Variants in ST6GAL2 observed in about 807,000 individuals in gnomAD.
ST6GAL2 encodes ST6 beta-galactoside alpha-2,6-sialyltransferase 2.
Under a neutral mutation model 37.5 loss-of-function variants are expected in ST6GAL2, and 24 were observed. That is an observed-to-expected ratio of 0.64 (90% CI 0.46 to 0.90). The LOEUF is 0.90. Ranked by LOEUF, ST6GAL2 falls within the 40% of genes least tolerant of loss-of-function variation. The pLI, the probability that ST6GAL2 is intolerant of heterozygous loss-of-function variation, is 0.00. For synonymous variants in ST6GAL2, 306 were observed against 295.1 expected (o/e 1.04, Z -0.38); for missense variants, 715 against 712.7 (o/e 1.00, Z -0.04).
At chr2:106,879,664 A>G (rs938091242) in intron 1 of ST6GAL2, among the ~76,000 whole-genome samples, 1 of 149,354 alleles carries the variant, frequency 6.7e-6, no homozygotes, top group Non-Finnish European at 1.5e-5. Flanking sequence ...TCTAATGTAT[A>G]TAATAGAAAT....
At chr2:106,811,977 C>A (rs566513865) in intron 5 of ST6GAL2, among the ~76,000 whole-genome samples, 1 of 152,108 alleles carries the variant, frequency 6.6e-6, no homozygotes, top group African/African-American at 2.4e-5. Flanking sequence ...ACTGAATTCC[C>A]CCAGCAATGA....
intron 1 of ST6GAL2, among the ~76,000 whole-genome samples, chr2:106,873,374 G>A (rs1678359315): frequency 6.6e-6 from 1 of 152,216 alleles, no homozygotes; most frequent in Non-Finnish European, 1.5e-5. Flanking sequence ...TCCCCCTGGG[G>A]CAGAAGTACC....
At chr2:106,826,539 CAAA>C (rs67548358) in intron 5 of ST6GAL2, among the ~76,000 whole-genome samples, 30,593 of 103,194 alleles carry the variant, frequency 0.3, 3,668 homozygotes, top group East Asian at 0.54. Flanking sequence ...GACTCCGTCT[CAAA>C]AAAAAAAAAA....
chr2:106,836,089 A>G (rs926022550), intron 2 of ST6GAL2, among the ~76,000 whole-genome samples: 1 of 152,212 alleles, frequency 6.6e-6, no homozygotes, highest in Non-Finnish European at 1.5e-5. Flanking sequence ...GAATTTTAAA[A>G]TGTCTATTAA....
chr2:106,868,035 A>T (rs1678109104), intron 1 of ST6GAL2, among the ~76,000 whole-genome samples: 1 of 152,246 alleles, frequency 6.6e-6, no homozygotes. Context: ...ACGCTGCTTA[A>T]GAAAGAGCCA....
At chr2:106,844,598 C>T (rs914949176) in intron 1 of ST6GAL2, among the ~76,000 whole-genome samples, 3 of 152,124 alleles carry the variant, frequency 2.0e-5, no homozygotes, top group Non-Finnish European at 1.5e-5. Context: ...ACCAGAAGTC[C>T]ACCGATGGCA....
intron 1 of ST6GAL2, among the ~76,000 whole-genome samples, chr2:106,863,941 C>T (rs1048051391): frequency 1.2e-4 from 19 of 152,190 alleles, no homozygotes; most frequent in Non-Finnish European, 1.9e-4. Flanking sequence ...GTGTTTAAAA[C>T]GCAACTACCT....
rs73949757 is a variant in ST6GAL2, at chr2:106,803,958, G to A, written c.*2720C>T. On this transcript the variant is annotated 3_prime_UTR_variant, in exon 6 of 6. Transcript: ENST00000409382. ...AGGACCCATTTGGCTAATACTAGAA[G>A]TAGTCATCAAGTTAACTGTAACTGC... is the stretch of plus-strand genomic sequence containing the variant. 1 of 152,276 alleles carries A rather than the reference G, an allele frequency of 6.6e-6. No individual in the cohort carries two copies. Among genetic ancestry groups the A allele is most frequent in the African/African-American group, 2.4e-5 (1 of 41,562 alleles). 9.4% of individuals were successfully genotyped at this position (152,276 alleles called of 1,614,324 possible). A position where few individuals can be genotyped will look rare whatever the true frequency, so the allele number is the denominator to read the frequency against.
At chr2:106,863,931 G>A (rs1179699517) in intron 1 of ST6GAL2, among the ~76,000 whole-genome samples, 2 of 152,188 alleles carry the variant, frequency 1.3e-5, no homozygotes, top group Admixed American at 6.5e-5. Context: ...CTAAGGAGGT[G>A]TGTTTAAAAC....
chr2:106,808,257 A>G (rs80154811), intron 5 of ST6GAL2, among the ~76,000 whole-genome samples: 4,769 of 152,258 alleles, frequency 0.031, 99 homozygotes, highest in South Asian at 0.089. Flanking sequence ...AGAAGTGTGA[A>G]GCTCAAGGGG....
At chr2:106,862,873 C>A (rs1480348585) in intron 1 of ST6GAL2, among the ~76,000 whole-genome samples, 1 of 151,886 alleles carries the variant, frequency 6.6e-6, no homozygotes, top group African/African-American at 2.4e-5. Flanking sequence ...GAAAACAAGT[C>A]ATTGAGCTAT....
intron 1 of ST6GAL2, among the ~76,000 whole-genome samples, chr2:106,877,083 C>G (rs1363177686): frequency 6.6e-6 from 1 of 152,204 alleles, no homozygotes; most frequent in Non-Finnish European, 1.5e-5. Flanking sequence ...CAGAGATGTT[C>G]ATTTGACATT....
chr2:106,813,884 G>T (rs1290130926), intron 5 of ST6GAL2, among the ~76,000 whole-genome samples: 1 of 152,170 alleles, frequency 6.6e-6, no homozygotes, highest in Non-Finnish European at 1.5e-5. Context: ...GAGGGTGAAA[G>T]GCTAAGTGTA....
chr2:106,855,455 A>T (rs1454297530), intron 1 of ST6GAL2, among the ~76,000 whole-genome samples: 1 of 152,250 alleles, frequency 6.6e-6, no homozygotes, highest in Non-Finnish European at 1.5e-5. Context: ...CAAAACAAAC[A>T]TACAGAACTA....
At chr2:106,887,031 G>GGGC (rs1397239169), upstream of ST6GAL2, 1 of 152,492 alleles carries the variant, frequency 6.6e-6, no homozygotes, top group East Asian at 1.9e-4. Flanking sequence ...CTCGGGTCCC[G>GGGC]GGCGGCGGCA....
chr2:106,872,817 T>C (rs1232956817), intron 1 of ST6GAL2, among the ~76,000 whole-genome samples: 1 of 152,100 alleles, frequency 6.6e-6, no homozygotes, highest in Non-Finnish European at 1.5e-5. Flanking sequence ...TTAAACTTCA[T>C]GTGCTTTCAT....
chr2:106,831,246 G>C (rs1164677333), intron 4 of ST6GAL2, among the ~76,000 whole-genome samples: 3 of 152,218 alleles, frequency 2.0e-5, no homozygotes, highest in African/African-American at 7.2e-5. Context: ...GCCAGAGGGA[G>C]AGTCGCTCCT....
At chr2:106,845,076 C>T (rs913960952) in intron 1 of ST6GAL2, among the ~76,000 whole-genome samples, 3 of 152,134 alleles carry the variant, frequency 2.0e-5, no homozygotes, top group Non-Finnish European at 4.4e-5. Flanking sequence ...CTAAACCAAG[C>T]ACAGGCAGAT....
At chr2:106,840,252 G>A (rs767077331) in intron 2 of ST6GAL2, among the ~76,000 whole-genome samples, 4 of 152,114 alleles carry the variant, frequency 2.6e-5, no homozygotes, top group Non-Finnish European at 5.9e-5. Context: ...GATGCTTAGC[G>A]GCCAACAAGA....
Sources: gnomAD v4.1 joint callset for allele counts (sites outside exome capture counted in the v4.1 genomes callset) on GRCh38, gnomAD v4.1.1 for gene constraint, MANE v1.5 for transcripts, NCBI Gene and HGNC (gene_info 2026-07-23, HGNC 2026-07-21) for gene names.